The following CMTM8 variants were observed in gnomAD, a reference collection of about 807,000 sequenced individuals.
The protein encoded by CMTM8 is CKLF-like MARVEL transmembrane domain-containing protein 8.
CMTM8 carries 12 observed loss-of-function variants against 18.6 expected under a neutral mutation model. The ratio of observed to expected loss-of-function variants is 0.65; its 90% CI spans 0.41 to 1.05. The LOEUF (loss-of-function observed/expected upper bound fraction) is 1.05. Ranked by LOEUF, CMTM8 falls within the 50% of genes least tolerant of loss-of-function variation. The pLI, the probability that CMTM8 is intolerant of heterozygous loss-of-function variation, is 0.00. For synonymous variants in CMTM8, 87 were observed against 90.6 expected (o/e 0.96, Z 0.23); for missense variants, 217 against 227.2 (o/e 0.95, Z 0.29).
intron 1 of CMTM8, among the ~76,000 whole-genome samples, chr3:32,303,645 T>C (rs1198065276): frequency 2.0e-5 from 3 of 152,142 alleles, no homozygotes; most frequent in African/African-American, 2.4e-5. Context: ...ACTGTAATTT[T>C]GAAAAATTTC....
At chr3:32,311,697 A>G (rs1178707600) in intron 1 of CMTM8, among the ~76,000 whole-genome samples, 1 of 151,888 alleles carries the variant, frequency 6.6e-6, no homozygotes, top group East Asian at 1.9e-4. Context: ...TTTTCCCCCC[A>G]CACCAACCGA....
In CMTM8 at chr3:32,361,286, G is replaced by GTTTGTTTTTTTTTGTTT. The variant is rs140270969; in HGVS notation, c.321+3743_321+3744insGTTTTTTTTTGTTTTTT. The stretch of plus-strand genomic sequence containing the variant: ...GTGAGCCACGGCGCCCAGCCTAAGA[G>GTTTGTTTTTTTTTGTTT]TTTTTTTTTCTTTCAAATTTTGGAA... On this transcript the variant is annotated intron_variant, in intron 2 of 3. Transcript: ENST00000307526. 2.2e-4 allele frequency among the ~76,000 whole-genome samples: 19 copies of GTTTGTTTTTTTTTGTTT among 87,266 alleles called. No homozygotes were observed. In the East Asian group the frequency reaches 2.5e-3, roughly 12 times the overall value. The allele number at this position is 87,266 out of a possible 152,430, so 57.2% of individuals were successfully genotyped here.
rs200620723 is a variant in CMTM8, at chr3:32,275,665, T to G, written c.147+36546T>G. Reference sequence around the variant, plus strand: ...CTTCCTTTTTTTTTTTTTTTTTTTTTTGGGGACAGAGTCTTGCTGTGTCAC... The same window carrying G: ...CTTCCTTTTTTTTTTTTTTTTTTTTGTGGGGACAGAGTCTTGCTGTGTCAC... On this transcript the variant is annotated intron_variant, in intron 1 of 3. Coordinates refer to ENST00000307526, the MANE Select transcript of CMTM8 (RefSeq NM_178868.5). Among the ~76,000 whole-genome samples the G allele has an allele frequency of 3.6e-3, 376 of 103,672 alleles. 1 individual carries two copies. Among genetic ancestry groups the G allele is most frequent in the African/African-American group, 0.015 (364 of 24,904 alleles). The allele number at this position is 103,672 out of a possible 152,430, so 68.0% of individuals were successfully genotyped here.
chr3:32,321,245 T>A (rs948175432), intron 1 of CMTM8, among the ~76,000 whole-genome samples: 28 of 152,024 alleles, frequency 1.8e-4, no homozygotes, highest in Non-Finnish European at 2.9e-5. Context: ...ACTAACTAGA[T>A]GAGGCTCGGG....
chr3:32,305,642 G>T (rs1199238202), intron 1 of CMTM8, among the ~76,000 whole-genome samples: 2 of 152,146 alleles, frequency 1.3e-5, no homozygotes, highest in Non-Finnish European at 2.9e-5. Context: ...ATAAGTAGGA[G>T]CCCCATTTGG....
chr3:32,368,809 G>A (rs1164201608), intron 3 of CMTM8, among the ~76,000 whole-genome samples: 1 of 144,466 alleles, frequency 6.9e-6, no homozygotes, highest in Non-Finnish European at 1.5e-5. Context: ...AACCATAAGT[G>A]TGTATTATTT....
intron 1 of CMTM8, 112 bp downstream of exon 1, chr3:32,239,231 AC>A (rs1406531394): frequency 2.1e-5 from 26 of 1,236,450 alleles, no homozygotes; most frequent in African/African-American, 1.1e-4. Flanking sequence ...GCTTTAGGGA[AC>A]CGTTTTTGCT....
At chr3:32,298,150 A>G (rs1695517443) in intron 1 of CMTM8, among the ~76,000 whole-genome samples, 1 of 151,048 alleles carries the variant, frequency 6.6e-6, no homozygotes, top group African/African-American at 2.4e-5. Context: ...ATCTGGGCTC[A>G]CTGCAACCTC....
At chr3:32,293,543 C>T (rs941191226) in intron 1 of CMTM8, among the ~76,000 whole-genome samples, 21 of 152,090 alleles carry the variant, frequency 1.4e-4, no homozygotes, top group African/African-American at 4.3e-4. Context: ...GTGAGTGAGA[C>T]TCTGTCTCAA....
intron 1 of CMTM8, among the ~76,000 whole-genome samples, chr3:32,285,469 C>T (rs1055833224): frequency 5.3e-5 from 8 of 150,582 alleles, no homozygotes; most frequent in East Asian, 1.9e-4. Flanking sequence ...GCCAAGATGA[C>T]GCCACTACAC....
At chr3:32,280,579 A>G (rs1259960337) in intron 1 of CMTM8, among the ~76,000 whole-genome samples, 2 of 152,028 alleles carry the variant, frequency 1.3e-5, no homozygotes, top group Non-Finnish European at 1.5e-5. Context: ...AAATTCCATA[A>G]CCAGCATGCT....
Position 32,369,887 on chromosome 3 carries a change from T to C in CMTM8, c.442T>C (p.Phe148Leu). The C allele has an allele frequency of 6.2e-7, 1 of 1,607,150 alleles. No individual in the cohort carries two copies. Among genetic ancestry groups the C allele is most frequent in the Non-Finnish European group, 8.5e-7 (1 of 1,174,784 alleles). ...TATTATGCTTTGTTTTCTCCAGTTC[T>C]TTGCCTTCCTGGTCACCATCTGCTA... Reference protein sequence around the residue: ...NFNSWAASSFFAFLVTICYAG... With the variant: ...NFNSWAASSFLAFLVTICYAG... Residue 148 changes from phenylalanine (F) to leucine (L), a missense_variant, in exon 4 of 4, where the codon TTT (phenylalanine) becomes CTT (leucine). Coordinates refer to ENST00000307526, the MANE Select transcript of CMTM8 (RefSeq NM_178868.5).
chr3:32,319,673 A>G (rs1696005258), intron 1 of CMTM8, among the ~76,000 whole-genome samples: 1 of 152,192 alleles, frequency 6.6e-6, no homozygotes, highest in African/African-American at 2.4e-5. Context: ...CATGTAATTA[A>G]CAATATTATC....
chr3:32,265,497 A>G (rs1380631276), intron 1 of CMTM8, among the ~76,000 whole-genome samples: 21 of 152,228 alleles, frequency 1.4e-4, no homozygotes, highest in Admixed American at 1.4e-3. Flanking sequence ...CACAAGAGAA[A>G]GCAGGAAAGA....
At chr3:32,361,875 A>G (rs954307978) in intron 2 of CMTM8, among the ~76,000 whole-genome samples, 5 of 152,156 alleles carry the variant, frequency 3.3e-5, no homozygotes, top group African/African-American at 1.2e-4. Context: ...GTTCAAAGCA[A>G]TAAAATTTGC....
At chr3:32,294,931 T>G (rs980841939) in intron 1 of CMTM8, among the ~76,000 whole-genome samples, 1 of 152,030 alleles carries the variant, frequency 6.6e-6, no homozygotes, top group Non-Finnish European at 1.5e-5. Context: ...GGTGCACACC[T>G]ATAATCCCAG....
chr3:32,240,660 CAT>C (rs1437220240), intron 1 of CMTM8, among the ~76,000 whole-genome samples: 1 of 152,156 alleles, frequency 6.6e-6, no homozygotes, highest in East Asian at 1.9e-4. Context: ...TCACTGTTGA[CAT>C]GTTAGCATGT....
chr3:32,357,587 C>G, intron 2 of CMTM8, 41 bp downstream of exon 2: 4 of 1,592,990 alleles, frequency 2.5e-6, no homozygotes, highest in Non-Finnish European at 3.4e-6. Context: ...AGTGCCCACT[C>G]GGTAGATGGC....
At chr3:32,264,900 T>G (rs895564592) in intron 1 of CMTM8, among the ~76,000 whole-genome samples, 58 of 152,192 alleles carry the variant, frequency 3.8e-4, no homozygotes, top group Middle Eastern at 3.2e-3. Context: ...CAAGAAGAGC[T>G]GACTATCCTA....
Sources: allele counts gnomAD v4.1 joint callset (sites outside exome capture counted in the v4.1 genomes callset), GRCh38; gene constraint gnomAD v4.1.1; transcripts MANE v1.5; gene names NCBI Gene and HGNC (gene_info 2026-07-23, HGNC 2026-07-21).